Variants in MERTK observed in about 807,000 individuals in gnomAD.
The protein encoded by MERTK is MER proto-oncogene, tyrosine kinase.
In MERTK, 69 loss-of-function variants were observed where a neutral mutation model predicts 99.3. The ratio of observed to expected loss-of-function variants is 0.70; its 90% CI spans 0.57 to 0.85. MERTK has a LOEUF of 0.85. Ranked by LOEUF, MERTK falls within the 40% of genes least tolerant of loss-of-function variation. MERTK has a pLI of 0.00. For synonymous variants in MERTK, 426 were observed against 467.6 expected, an observed-to-expected ratio of 0.91 and a Z score of 1.15; for missense variants, 1,125 against 1,249.4, an observed-to-expected ratio of 0.90 and a Z score of 1.50.
intron 2 of MERTK, among the ~76,000 whole-genome samples, chr2:111,937,966 T>C (rs1048706303): frequency 6.6e-6 from 1 of 152,204 alleles, no homozygotes; most frequent in African/African-American, 2.4e-5. Context: ...ATTTTGAGTA[T>C]ACAATTCAGT....
intron 1 of MERTK, among the ~76,000 whole-genome samples, chr2:111,924,925 G>A (rs1684526247): frequency 1.3e-5 from 2 of 152,014 alleles, no homozygotes; most frequent in African/African-American, 2.4e-5. Flanking sequence ...AGTGTAGGTG[G>A]TAGGTATCAT....
intron 15 of MERTK, among the ~76,000 whole-genome samples, chr2:112,011,719 C>G (rs1034743547): frequency 1.3e-5 from 2 of 152,112 alleles, no homozygotes; most frequent in African/African-American, 4.8e-5. Flanking sequence ...CCACTGCAAT[C>G]CAGCCTGGGC....
At chr2:112,010,876 G>A (rs1677086376) in intron 15 of MERTK, among the ~76,000 whole-genome samples, 1 of 152,160 alleles carries the variant, frequency 6.6e-6, no homozygotes, top group Non-Finnish European at 1.5e-5. Flanking sequence ...CTTCTCTGTT[G>A]CAAAAGGCAG....
rs776641757 is a variant in MERTK at position 112,021,480 on chromosome 2, A to G, written c.2248A>G (p.Ser750Gly). ...ADFGLSKKIY[S>G]GDYYRQGRIA... ...CTTCGGCCTCTCTAAGAAGATTTAC[A>G]GTGGCGATTATTACCGCCAAGGCCG... The change falls in exon 17 of 19, where the codon AGT (serine) becomes GGT (glycine). Residue 750 changes from serine (S) to glycine (G), a missense_variant. By Grantham distance (56) the Ser-to-Gly change is moderately conservative (BLOSUM62 0). Transcript: ENST00000295408. The G allele has an allele frequency of 6.8e-6, 11 of 1,613,940 alleles. No homozygotes were observed. The highest frequency in any genetic ancestry group is 9.3e-6 in the Non-Finnish European group (11 of 1,179,876).
chr2:111,975,258 T>C lies in MERTK; in HGVS notation c.961-31T>C, dbSNP rs757424196. On this transcript the variant is annotated intron_variant, in intron 6 of 18. Transcript: ENST00000295408. ...CCTGACATTCCCACCACCTTACTAA[T>C]GCCCGGTCCTCATGTTTACTCTTCG... The C allele has an allele frequency of 1.9e-5, 31 of 1,612,058 alleles. No homozygotes were observed. The Admixed American group carries it at 4.8e-4, about 25-fold the overall frequency.
chr2:111,939,246 G>T (rs897996115), intron 2 of MERTK, among the ~76,000 whole-genome samples: 13 of 152,058 alleles, frequency 8.5e-5, no homozygotes, highest in Non-Finnish European at 1.9e-4. Context: ...GCGTGCTCAT[G>T]TGCTAGCTTA....
chr2:111,983,813 C>T (rs902204286), intron 8 of MERTK, among the ~76,000 whole-genome samples: 6 of 152,160 alleles, frequency 3.9e-5, no homozygotes, highest in Non-Finnish European at 8.8e-5. Context: ...CAGCATGGCT[C>T]GGGGTTGGGG....
At position 112,019,512 on chromosome 2, in the gene MERTK, C is replaced by A. The variant is rs746238212; in HGVS notation, c.2179C>A (p.Arg727=). 4 of 1,610,370 alleles carry A rather than the reference C, an allele frequency of 2.5e-6. No individual in the cohort carries two copies. In the South Asian group the frequency reaches 4.4e-5, roughly 18 times the overall value. ...TTTTCTTCATCGAGATTTAGCTGCTCGAAACTGCATGTAAGAGTCCTCGGC... is the reference window on the plus strand; with the variant it reads ...TTTTCTTCATCGAGATTTAGCTGCTAGAAACTGCATGTAAGAGTCCTCGGC... ...RNFLHRDLAA[R]NCMLRDDMTV... The change falls in exon 16 of 19, where the codon CGA becomes AGA. Residue 727 remains arginine (R), a synonymous_variant. Transcript: ENST00000295408.
chr2:111,916,978 C>T lies in MERTK; in HGVS notation c.62-12142C>T, dbSNP rs572003076. On this transcript the variant is annotated intron_variant, in intron 1 of 18. Transcript: ENST00000295408. Reference sequence around the variant, plus strand: ...GTCAGGTGGCAGTTCCGGCTCCCCACCAGGCTTCCACTGATACCTCTCTGG... The same window carrying T: ...GTCAGGTGGCAGTTCCGGCTCCCCATCAGGCTTCCACTGATACCTCTCTGG... Among the ~76,000 whole-genome samples the T allele has an allele frequency of 3.4e-4, 52 of 152,272 alleles. 2 individuals are homozygous for T. Among genetic ancestry groups the T allele is most frequent in the Non-Finnish European group, 5.9e-5 (4 of 68,028 alleles).
chr2:112,022,216 T>C, intron 17 of MERTK, 42 bp from the exon 18 acceptor site: 1 of 1,614,086 alleles, frequency 6.2e-7, no homozygotes, highest in South Asian at 1.1e-5. Context: ...TCAGGCTTTG[T>C]GGAAAGGCTT....
chr2:111,934,856 A>G (rs2104692468), intron 2 of MERTK, among the ~76,000 whole-genome samples: 1 of 152,302 alleles, frequency 6.6e-6, no homozygotes, highest in East Asian at 1.9e-4. Context: ...TTCAGGTCTT[A>G]CATTTAAGGG....
intron 1 of MERTK, among the ~76,000 whole-genome samples, chr2:111,912,693 G>T (rs1037903249): frequency 2.6e-5 from 4 of 152,130 alleles, no homozygotes; most frequent in African/African-American, 9.7e-5. Flanking sequence ...ACTCCTCAGG[G>T]CAGGTTGCAA....
At chr2:111,960,731 C>T (rs533928029) in intron 4 of MERTK, among the ~76,000 whole-genome samples, 5 of 151,730 alleles carry the variant, frequency 3.3e-5, no homozygotes, top group Non-Finnish European at 7.4e-5. Flanking sequence ...AGATGAAATT[C>T]TTGGGGCTGG....
chr2:111,975,624 AG>A (rs1315751814), intron 7 of MERTK, 152 bp downstream of exon 7: 6 of 852,884 alleles, frequency 7.0e-6, no homozygotes, highest in Non-Finnish European at 1.2e-5. Flanking sequence ...AAAATGGGAA[AG>A]ATATTTCCTC....
intron 1 of MERTK, among the ~76,000 whole-genome samples, chr2:111,905,930 T>C (rs1684129129): frequency 6.6e-6 from 1 of 152,370 alleles, no homozygotes; most frequent in Admixed American, 6.5e-5. Context: ...AGAACAGATG[T>C]TGGCTTTATG....
chr2:111,928,246 G>C (rs994294759), intron 1 of MERTK, among the ~76,000 whole-genome samples: 6 of 87,594 alleles, frequency 6.8e-5, no homozygotes, highest in African/African-American at 2.3e-4. Flanking sequence ...TTTTTTTTGA[G>C]ACAGGGTCTC....
chr2:111,913,806 G>A (rs905163411), intron 1 of MERTK, among the ~76,000 whole-genome samples: 9 of 152,082 alleles, frequency 5.9e-5, no homozygotes, highest in African/African-American at 1.9e-4. Context: ...ACCTCAGCCT[G>A]CCAAAGTGCT....
rs140463186 is a variant in MERTK, at chr2:111,994,328, A to C, written c.1374A>C (p.Thr458=). The change falls in exon 9 of 19, where the codon ACA becomes ACC. Residue 458 remains threonine (T), a synonymous_variant. Coordinates refer to ENST00000295408, the MANE Select transcript of MERTK (RefSeq NM_006343.3). ...ISVQVHNATC[T]VRIAAVTRGG... is the part of the protein sequence containing the mutation. ...TTCAAGTCCACAATGCTACGTGCAC[A>C]GTGAGGATTGCAGCCGTCACCAGAG... 1 of 1,614,160 alleles carries C rather than the reference A, an allele frequency of 6.2e-7. No homozygotes were observed. Among genetic ancestry groups the C allele is most frequent in the Non-Finnish European group, 8.5e-7 (1 of 1,180,032 alleles).
intron 2 of MERTK, among the ~76,000 whole-genome samples, chr2:111,942,990 A>G (rs1684892864): frequency 6.6e-6 from 1 of 152,182 alleles, no homozygotes; most frequent in Non-Finnish European, 1.5e-5. Context: ...ACTGAATTCA[A>G]CCTAAGGAAA....
Sources: allele counts gnomAD v4.1 joint callset (sites outside exome capture counted in the v4.1 genomes callset), GRCh38; gene constraint gnomAD v4.1.1; transcripts MANE v1.5; gene names NCBI Gene and HGNC (gene_info 2026-07-23, HGNC 2026-07-21).